GRIN2A: variants seen among roughly 807,000 people sequenced by gnomAD.
GRIN2A encodes the protein glutamate receptor ionotropic, NMDA 2A.
A neutral mutation model predicts 113.4 loss-of-function variants in GRIN2A; 22 were observed. The observed-to-expected ratio is 0.19, with a 90% CI of 0.14 to 0.28. The LOEUF (loss-of-function observed/expected upper bound fraction) is 0.28. GRIN2A is among the 10% of genes least tolerant of loss of function. GRIN2A has a pLI of 1.00. For missense variants in GRIN2A, 1,502 were observed against 1,887.0 expected (o/e 0.80, Z 3.78); for synonymous variants, 827 against 738.4 (o/e 1.12, Z -1.94).
intron 2 of GRIN2A, chr16:9,943,418 C>G (rs534337575): frequency 6.6e-6 from 1 of 152,316 alleles, no homozygotes; most frequent in East Asian, 1.9e-4. Flanking sequence ...CTCATTCAAT[C>G]AGGTCTAGAG....
Position 9,764,583 on chromosome 16 carries a change from A to G in GRIN2A, c.2961T>C (p.Thr987=), listed in dbSNP as rs774500071. Residue 987 remains threonine, a synonymous_variant, in exon 13 of 13, where the codon ACT becomes ACC. Transcript: ENST00000330684. ...NYVFQGQHPL[T]LNESNPNTVE... is the part of the protein sequence containing the mutation. The stretch of plus-strand genomic sequence containing the variant: ...CCGTGTTAGGGTTGGACTCATTGAG[A>G]GTAAGAGGATGTTGTCCCTGGAATA... 1 of 1,614,028 alleles carries G rather than the reference A, an allele frequency of 6.2e-7. No homozygotes were observed. Among genetic ancestry groups the G allele is most frequent in the Non-Finnish European group, 8.5e-7 (1 of 1,180,016 alleles).
chr16:10,140,000 G>C (rs575400986), intron 2 of GRIN2A, among the ~76,000 whole-genome samples: 1 of 152,086 alleles, frequency 6.6e-6, no homozygotes, highest in Non-Finnish European at 1.5e-5. Context: ...TGAGAAATAG[G>C]AATCTATAGC....
rs1177414932 is a variant in GRIN2A at position 9,831,228 on chromosome 16, G to C, written c.1778-1576C>G. On this transcript the variant is annotated intron_variant, in intron 8 of 12. Coordinates refer to ENST00000330684, the MANE Select transcript of GRIN2A (RefSeq NM_001134407.3). Reference sequence around the variant, plus strand: ...TCCTTTACAATAGTCTTTCCAGCATGCTTCAGGCAAAGGAGAACGTATTGC... The same window carrying C: ...TCCTTTACAATAGTCTTTCCAGCATCCTTCAGGCAAAGGAGAACGTATTGC... Among the ~76,000 whole-genome samples the C allele has an allele frequency of 2.0e-5, 3 of 152,176 alleles. No individual in the cohort carries two copies. The East Asian group carries it at 5.8e-4, about 29-fold the overall frequency.
intron 4 of GRIN2A, among the ~76,000 whole-genome samples, chr16:9,865,065 A>T (rs2043140221): frequency 6.6e-6 from 1 of 152,202 alleles, no homozygotes; most frequent in South Asian, 2.1e-4. Flanking sequence ...CTGGCCCAAA[A>T]CTACTTTGCT....
intron 2 of GRIN2A, among the ~76,000 whole-genome samples, chr16:10,031,862 T>G (rs1446766906): frequency 6.6e-6 from 1 of 152,222 alleles, no homozygotes; most frequent in African/African-American, 2.4e-5. Context: ...TCAGGCAATT[T>G]TTTTCAGACC....
rs1366406679 is a variant in GRIN2A at position 9,753,554 on chromosome 16, C to T, written c.*9595G>A. 1 of 201,240 alleles carries T rather than the reference C, an allele frequency of 5.0e-6. No homozygotes were observed. Among genetic ancestry groups the T allele is most frequent in the African/African-American group, 2.3e-5 (1 of 43,544 alleles). 12.5% of individuals were successfully genotyped at this position (201,240 alleles called of 1,614,324 possible). On this transcript the variant is annotated 3_prime_UTR_variant, in exon 13 of 13. Transcript: ENST00000330684. ...TTGCACACGAATTTCAATCCCCATT[C>T]CTTAAAACAGTTGATAACACATTGA...
Position 9,768,837 on chromosome 16 carries a change from C to T in GRIN2A, c.2595+14G>A, listed in dbSNP as rs1279723520. On this transcript the variant is annotated intron_variant, in intron 12 of 12. Coordinates refer to ENST00000330684, the MANE Select transcript of GRIN2A (RefSeq NM_001134407.3). ...TGCTTGCAGTGCAAGAAAGTAGCCA[C>T]CCGGTGTACTGACCCTGCTGATGGA... 3 of 1,583,822 alleles carry T rather than the reference C, an allele frequency of 1.9e-6. No individual in the cohort carries two copies. Among genetic ancestry groups the T allele is most frequent in the Non-Finnish European group, 2.6e-6 (3 of 1,152,528 alleles).
intron 2 of GRIN2A, among the ~76,000 whole-genome samples, chr16:10,141,131 C>A (rs941538533): frequency 4.0e-5 from 6 of 151,722 alleles, no homozygotes; most frequent in African/African-American, 1.5e-4. Context: ...GAGGGTGAGG[C>A]TGGAGTGAGC....
chr16:9,967,039 C>T (rs2045568757), intron 2 of GRIN2A, among the ~76,000 whole-genome samples: 1 of 152,180 alleles, frequency 6.6e-6, no homozygotes, highest in Non-Finnish European at 1.5e-5. Flanking sequence ...ACTATTAGTT[C>T]AGCACTATTA....
chr16:10,106,786 C>T (rs2048508737), intron 2 of GRIN2A, among the ~76,000 whole-genome samples: 1 of 152,092 alleles, frequency 6.6e-6, no homozygotes, highest in Admixed American at 6.6e-5. Flanking sequence ...CTCTTATGAA[C>T]AGAAAGGCAA....
intron 2 of GRIN2A, among the ~76,000 whole-genome samples, chr16:10,045,637 T>C (rs935864402): frequency 6.6e-6 from 1 of 152,236 alleles, no homozygotes; most frequent in Non-Finnish European, 1.5e-5. Flanking sequence ...ATTCTGGCCA[T>C]GGCACTGTCT....
intron 2 of GRIN2A, among the ~76,000 whole-genome samples, chr16:9,945,954 T>A (rs188116957): frequency 6.6e-6 from 1 of 152,224 alleles, no homozygotes; most frequent in African/African-American, 2.4e-5. Context: ...CAGAGCCAAG[T>A]TTCCCACTAT....
chr16:10,156,869 A>G (rs1386350245), intron 2 of GRIN2A, among the ~76,000 whole-genome samples: 1 of 152,170 alleles, frequency 6.6e-6, no homozygotes, highest in Non-Finnish European at 1.5e-5. Context: ...GTAAAGATGG[A>G]GGTGGGAGGA....
chr16:9,995,512 C>T (rs1348989303), intron 2 of GRIN2A, among the ~76,000 whole-genome samples: 2 of 152,142 alleles, frequency 1.3e-5, no homozygotes, highest in Non-Finnish European at 2.9e-5. Flanking sequence ...CCAGCCCTTT[C>T]AGGCTACAGT....
At chr16:9,839,667 G>T (rs1023657312) in intron 7 of GRIN2A, among the ~76,000 whole-genome samples, 1 of 152,168 alleles carries the variant, frequency 6.6e-6, no homozygotes, top group Non-Finnish European at 1.5e-5. Context: ...AGGTCTATGA[G>T]CTGGTTTAAA....
chr16:9,981,042 A>G (rs959513899), intron 2 of GRIN2A, among the ~76,000 whole-genome samples: 3 of 151,066 alleles, frequency 2.0e-5, no homozygotes, highest in African/African-American at 4.8e-5. Flanking sequence ...GGAAAAAAAA[A>G]AGAGAGAGAG....
intron 2 of GRIN2A, among the ~76,000 whole-genome samples, chr16:10,046,936 T>C (rs987605585): frequency 6.6e-6 from 1 of 152,188 alleles, no homozygotes; most frequent in African/African-American, 2.4e-5. Context: ...TTAGTGCTGT[T>C]GACAGTTGGA....
intron 2 of GRIN2A, among the ~76,000 whole-genome samples, chr16:10,141,447 C>A (rs749494932): frequency 6.6e-6 from 1 of 151,788 alleles, no homozygotes; most frequent in East Asian, 2.0e-4. Flanking sequence ...GAGATCATGC[C>A]GCTGCACTCC....
chr16:10,010,062 C>G (rs145456337), intron 2 of GRIN2A, among the ~76,000 whole-genome samples: 1 of 152,242 alleles, frequency 6.6e-6, no homozygotes, highest in Non-Finnish European at 1.5e-5. Context: ...GAAACAAGCA[C>G]GACTGTGAAT....
Sources: allele counts gnomAD v4.1 joint callset (sites outside exome capture counted in the v4.1 genomes callset), GRCh38; gene constraint gnomAD v4.1.1; transcripts MANE v1.5; gene names NCBI Gene and HGNC (gene_info 2026-07-23, HGNC 2026-07-21).